Variants in MAP4 observed in about 807,000 individuals in gnomAD.
MAP4 encodes microtubule-associated protein 4.
Under a neutral mutation model 170.2 loss-of-function variants are expected in MAP4, and 76 were observed. That is an observed-to-expected ratio of 0.45 (90% CI 0.37 to 0.54). The LOEUF (loss-of-function observed/expected upper bound fraction) is 0.54, where lower values mean the gene tolerates loss of function less well. MAP4 is among the 20% of genes least tolerant of loss of function. The pLI is 0.00. For synonymous variants in MAP4, 909 were observed against 994.5 expected, an observed-to-expected ratio of 0.91 and a Z score of 1.62; for missense variants, 2,506 against 2,748.0, an observed-to-expected ratio of 0.91 and a Z score of 1.97.
intron 9 of MAP4, among the ~76,000 whole-genome samples, chr3:47,907,101 C>G (rs942488418): frequency 6.6e-6 from 1 of 152,162 alleles, no homozygotes; most frequent in Non-Finnish European, 1.5e-5. Flanking sequence ...TCCCAAAGTG[C>G]TGGGATTATA....
At chr3:48,063,623 G>A (rs1448748539) in intron 1 of MAP4, among the ~76,000 whole-genome samples, 1 of 151,866 alleles carries the variant, frequency 6.6e-6, no homozygotes, top group Non-Finnish European at 1.5e-5. Flanking sequence ...GAATGGATAA[G>A]CAAATTGTAG....
chr3:48,044,110 C>T (rs1309914408), intron 1 of MAP4, among the ~76,000 whole-genome samples: 1 of 151,508 alleles, frequency 6.6e-6, no homozygotes, highest in Non-Finnish European at 1.5e-5. Context: ...TCCCAAAGTG[C>T]TGGGAGTACA....
chr3:47,926,727 A>C (rs1424737173), intron 4 of MAP4, among the ~76,000 whole-genome samples: 1 of 152,084 alleles, frequency 6.6e-6, no homozygotes, highest in Non-Finnish European at 1.5e-5. Context: ...GTAGAGACAG[A>C]ATCCCATTAT....
At chr3:47,870,149 T>C (rs2088924077) in intron 15 of MAP4, among the ~76,000 whole-genome samples, 1 of 152,170 alleles carries the variant, frequency 6.6e-6, no homozygotes, top group South Asian at 2.1e-4. Context: ...TCAGACGGAC[T>C]TTCATCACCA....
chr3:47,918,420 G>A (rs1001171011), intron 6 of MAP4, among the ~76,000 whole-genome samples: 3 of 151,606 alleles, frequency 2.0e-5, no homozygotes, highest in Non-Finnish European at 4.4e-5. Flanking sequence ...ACACCAGGCC[G>A]TAAATCTGTA....
chr3:48,022,129 G>T, intron 1 of MAP4, among the ~76,000 whole-genome samples: 1 of 152,156 alleles, frequency 6.6e-6, no homozygotes, highest in East Asian at 1.9e-4. Context: ...GTGGTGCTGG[G>T]TCAACTGGAT....
At chr3:48,022,303 A>C (rs2100110962) in intron 1 of MAP4, among the ~76,000 whole-genome samples, 1 of 152,198 alleles carries the variant, frequency 6.6e-6, no homozygotes, top group Admixed American at 6.5e-5. Flanking sequence ...GGACAAAAGA[A>C]GGAAAAAAGA....
At chr3:47,973,985 T>C in intron 3 of MAP4, 1 of 985,458 alleles carries the variant, frequency 1.0e-6, no homozygotes, top group Non-Finnish European at 1.2e-6. Flanking sequence ...GAAATTTTTG[T>C]CAGAGAATCC....
chr3:48,031,035 G>A (rs997341025), intron 1 of MAP4, among the ~76,000 whole-genome samples: 1 of 151,904 alleles, frequency 6.6e-6, no homozygotes, highest in African/African-American at 2.4e-5. Context: ...TCCTTCTAAA[G>A]AGTACAATAT....
At chr3:47,971,789 C>T (rs1464301603) in intron 3 of MAP4, among the ~76,000 whole-genome samples, 1 of 152,140 alleles carries the variant, frequency 6.6e-6, no homozygotes, top group Non-Finnish European at 1.5e-5. Flanking sequence ...ACATTCTGTG[C>T]CTGCTGGACC....
chr3:47,875,790 T>C lies in MAP4; in HGVS notation c.5652A>G (p.Lys1884=). ...CTAAGCCTGAAGCAAGGCTCATGGG[T>C]TTTTTATTCAACCCACCAATGGTGG... ...APTTIGGLNK[K]PMSLASGLVP... Residue 1884 remains lysine (K), a synonymous_variant, in exon 12 of 21, where the codon AAA becomes AAG. Coordinates refer to ENST00000683076, the MANE Select transcript of MAP4 (RefSeq NM_001385682.1). The C allele has an allele frequency of 6.2e-7, 1 of 1,613,842 alleles. No homozygotes were observed. Among genetic ancestry groups the C allele is most frequent in the Non-Finnish European group, 8.5e-7 (1 of 1,179,950 alleles).
intron 10 of MAP4, among the ~76,000 whole-genome samples, chr3:47,901,799 G>A (rs2100030145): frequency 6.6e-6 from 1 of 152,144 alleles, no homozygotes; most frequent in Non-Finnish European, 1.5e-5. Flanking sequence ...ATCCCCCAAT[G>A]CTATTTGTCA....
intron 10 of MAP4, among the ~76,000 whole-genome samples, chr3:47,902,654 A>G (rs1403061297): frequency 1.4e-5 from 2 of 139,324 alleles, no homozygotes; most frequent in African/African-American, 5.3e-5. Context: ...TGCCTGGGCG[A>G]CAGAGGGAGA....
rs1436110597 is a variant in MAP4 at position 47,851,445 on chromosome 3, AG to A, written c.*1488del. ...GGACCAGAGAAGGGCAGAGGTCAGG[AG>A]GGGGCATGAGGAGGCCAAGTCTGGG... On this transcript the variant is annotated 3_prime_UTR_variant, in exon 21 of 21. Transcript: ENST00000683076. 2.0e-5 allele frequency: 3 copies of A among 152,190 alleles called. No individual in the cohort carries two copies. The highest frequency in any genetic ancestry group is 7.2e-5 in the African/African-American group (3 of 41,430). The allele number at this position is 152,190 out of a possible 1,614,324, so 9.4% of individuals were successfully genotyped here. A position where few individuals can be genotyped will look rare whatever the true frequency, so the allele number is the denominator to read the frequency against.
Position 47,911,271 on chromosome 3 carries a change from T to C in MAP4, c.3150A>G (p.Glu1050=). 2.0e-6 allele frequency: 3 copies of C among 1,536,152 alleles called. No homozygotes were observed. Among genetic ancestry groups the C allele is most frequent in the Middle Eastern group, 1.7e-4 (1 of 5,990 alleles). ...VLVQVPGVEN[E]PFKRMAGDGK... ...CATCACCTGCCATTCTCTTAAATGG[T>C]TCATTCTCTACCCCAGGGACCTGTA... The change falls in exon 9 of 21, where the codon GAA becomes GAG. Residue 1050 remains glutamate, a synonymous_variant. Coordinates refer to ENST00000683076, the MANE Select transcript of MAP4 (RefSeq NM_001385682.1). The surrounding 1 kb of genome is among the most constrained non-coding windows in gnomAD (Gnocchi z 4.0).
chr3:48,009,001 C>T (rs1295565839), intron 1 of MAP4, among the ~76,000 whole-genome samples: 1 of 152,192 alleles, frequency 6.6e-6, no homozygotes, highest in Non-Finnish European at 1.5e-5. Context: ...ATTGTCCTCA[C>T]TCAAATAGAC....
rs1349679765 is a variant in MAP4, at chr3:47,943,412, G to C, written c.293-15062C>G. On this transcript the variant is annotated intron_variant, in intron 3 of 20. Coordinates refer to ENST00000683076, the MANE Select transcript of MAP4 (RefSeq NM_001385682.1). ...AGATGACATGAGGTCAAGAGTTCAA[G>C]ACCAGTCTGACCCATGTGGTGAAAC... Among the ~76,000 whole-genome samples the C allele has an allele frequency of 2.0e-5, 3 of 152,106 alleles. No individual in the cohort carries two copies. In the East Asian group the frequency reaches 5.8e-4, roughly 29 times the overall value.
At position 47,909,082 on chromosome 3, in the gene MAP4, G is replaced by T; in HGVS notation, c.5339C>A (p.Ser1780Tyr). ...SRGLTPLLPK[S>Y]TIQEQERHKQ... ...ATGTCTCTCTTGTTCCTGGATTGTA[G>T]ACTTTGGCAAAAGTGGAGTAAGTCC... Residue 1780 changes from serine (S) to tyrosine (Y), a missense_variant, in exon 9 of 21, where the codon TCT becomes TAT. Transcript: ENST00000683076. 1 of 1,613,992 alleles carries T rather than the reference G, an allele frequency of 6.2e-7. No homozygotes were observed. The highest frequency in any genetic ancestry group is 1.1e-5 in the South Asian group (1 of 91,054).
intron 3 of MAP4, among the ~76,000 whole-genome samples, chr3:47,962,790 T>C (rs2100072439): frequency 6.6e-6 from 1 of 152,228 alleles, no homozygotes; most frequent in African/African-American, 2.4e-5. Context: ...GTATCTCTGT[T>C]GCTCAGCACT....
Sources: gnomAD v4.1 joint callset for allele counts (sites outside exome capture counted in the v4.1 genomes callset) on GRCh38, gnomAD v4.1.1 for gene constraint, Gnocchi (gnomAD v3.1) non-coding constraint, MANE v1.5 for transcripts, NCBI Gene and HGNC (gene_info 2026-07-23, HGNC 2026-07-21) for gene names.